HELZ: variants seen among roughly 807,000 people sequenced by gnomAD.
The protein encoded by HELZ is helicase with zinc finger.
In HELZ, 23 loss-of-function variants were observed where a neutral mutation model predicts 218.2. That is an observed-to-expected ratio of 0.11 (90% CI 0.08 to 0.15). The LOEUF is 0.15. HELZ is among the 10% of genes least tolerant of loss of function. HELZ has a pLI of 1.00. For missense variants in HELZ, 1,813 were observed against 2,353.7 expected (o/e 0.77, Z 4.75); for synonymous variants, 814 against 829.4 (o/e 0.98, Z 0.32).
At chr17:67,153,857 A>G (rs537687115) in intron 17 of HELZ, among the ~76,000 whole-genome samples, 23 of 152,262 alleles carry the variant, frequency 1.5e-4, no homozygotes, top group Non-Finnish European at 2.6e-4. Flanking sequence ...TGTGCAAAGT[A>G]TTTTATTTAA....
At chr17:67,225,048 T>C (rs1178034535) in intron 3 of HELZ, 6 of 621,444 alleles carry the variant, frequency 9.7e-6, no homozygotes, top group South Asian at 7.7e-5. Flanking sequence ...CTATGTGTCA[T>C]CTTTTATTAT....
rs1598225801 is a variant in HELZ at position 67,105,117 on chromosome 17, AGTGC to A, written c.5241+2048_5241+2051del. ...CACTGCGCTCCAGCCTGGGCGACTGAGTGCGACTCCGTGTCAAAAAACAAACAAA... is the reference window on the plus strand; with the variant it reads ...CACTGCGCTCCAGCCTGGGCGACTGAGACTCCGTGTCAAAAAACAAACAAA... On this transcript the variant is annotated intron_variant, in intron 31 of 32. Transcript: ENST00000358691. Among the ~76,000 whole-genome samples, 7 of 152,318 alleles carry A rather than the reference AGTGC, an allele frequency of 4.6e-5. No individual in the cohort carries two copies. In the East Asian group the frequency reaches 1.4e-3, roughly 29 times the overall value.
chr17:67,117,348 A>T (rs1014690791), intron 27 of HELZ, among the ~76,000 whole-genome samples: 1 of 152,182 alleles, frequency 6.6e-6, no homozygotes, highest in Non-Finnish European at 1.5e-5. Context: ...ACCAATAATC[A>T]GCAACTAAAG....
At position 67,125,376 on chromosome 17, in the gene HELZ, A is replaced by T. The variant is rs547341912; in HGVS notation, c.3388-1362T>A. 2.9e-5 allele frequency among the ~76,000 whole-genome samples: 4 copies of T among 136,936 alleles called. No individual in the cohort carries two copies. The East Asian group carries it at 8.1e-4, about 28-fold the overall frequency. The allele number at this position is 136,936 out of a possible 152,430, so 89.8% of individuals were successfully genotyped here. On this transcript the variant is annotated intron_variant, in intron 24 of 32. Transcript: ENST00000358691. ...TGAGGAATAGAGACGTGATAAGAAA[A>T]GCATACAGAAAAAAGGAGAAAAAGG...
At chr17:67,227,400 G>T (rs1465847524) in intron 3 of HELZ, among the ~76,000 whole-genome samples, 1 of 151,996 alleles carries the variant, frequency 6.6e-6, no homozygotes, top group Non-Finnish European at 1.5e-5. Flanking sequence ...TGTTGGCCAG[G>T]ATGATCTTGA....
chr17:67,146,040 A>G lies in HELZ; in HGVS notation c.2622-150T>C. 3 of 699,560 alleles carry G rather than the reference A, an allele frequency of 4.3e-6. No homozygotes were observed. The East Asian group carries it at 8.4e-5, about 20-fold the overall frequency. 43.3% of individuals were successfully genotyped at this position (699,560 alleles called of 1,614,324 possible). A position where few individuals can be genotyped will look rare whatever the true frequency, so the allele number is the denominator to read the frequency against. On this transcript the variant is annotated intron_variant, in intron 20 of 32. Coordinates refer to ENST00000358691, the MANE Select transcript of HELZ (RefSeq NM_014877.4). Reference sequence around the variant, plus strand: ...ATCATCTAATACTTGTGATACCAAGAATTTCTCCATAAATAACAAGAGTAG... The same window carrying G: ...ATCATCTAATACTTGTGATACCAAGGATTTCTCCATAAATAACAAGAGTAG...
intron 27 of HELZ, among the ~76,000 whole-genome samples, chr17:67,118,692 C>CAAAAAAAAAAA (rs142101119): frequency 6.7e-5 from 3 of 44,918 alleles, no homozygotes; most frequent in Admixed American, 4.0e-4. Flanking sequence ...CTTTAAAAGG[C>CAAAAAAAAAAA]AAAAAAAAAA....
rs890769681 is a variant in HELZ, at chr17:67,070,918, T to G, written c.*7334A>C. 6 of 152,142 alleles carry G rather than the reference T, an allele frequency of 3.9e-5. No homozygotes were observed. Among genetic ancestry groups the G allele is most frequent in the African/African-American group, 9.7e-5 (4 of 41,450 alleles). The allele number at this position is 152,142 out of a possible 1,614,324, so 9.4% of individuals were successfully genotyped here. ...TCCCAAAATAAGACTCAGTATGAAT[T>G]TGCTAAGTAACTGATCTATGAAGTT... On this transcript the variant is annotated 3_prime_UTR_variant, in exon 33 of 33. Coordinates refer to ENST00000358691, the MANE Select transcript of HELZ (RefSeq NM_014877.4).
Position 67,214,789 on chromosome 17 carries a change from C to G in HELZ, c.247+1110G>C, listed in dbSNP as rs1249473127. ...ATTCATTCTAGTAAACAGCAACAAC[C>G]ACAAAGAAAAGGATTCCTATCAGTA... On this transcript the variant is annotated intron_variant, in intron 5 of 32. Transcript: ENST00000358691. Among the ~76,000 whole-genome samples the G allele has an allele frequency of 2.0e-5, 3 of 152,054 alleles. No individual in the cohort carries two copies. The East Asian group carries it at 5.8e-4, about 29-fold the overall frequency.
At chr17:67,197,702 G>A (rs758276166) in intron 7 of HELZ, among the ~76,000 whole-genome samples, 3 of 152,132 alleles carry the variant, frequency 2.0e-5, no homozygotes, top group Non-Finnish European at 2.9e-5. Flanking sequence ...TAGAAAGAAC[G>A]TCAGAATGCT....
chr17:67,103,678 T>C (rs1420751710), intron 31 of HELZ, among the ~76,000 whole-genome samples: 1 of 152,230 alleles, frequency 6.6e-6, no homozygotes, highest in Non-Finnish European at 1.5e-5. Context: ...CAAATTAATC[T>C]AGAGATTTAA....
intron 3 of HELZ, chr17:67,224,737 G>T: frequency 9.2e-7 from 1 of 1,086,988 alleles, no homozygotes. Context: ...CATGGTGAAC[G>T]TTGCTAAAAC....
chr17:67,114,424 C>A, intron 27 of HELZ, 21 bp from the exon 28 acceptor site: 1 of 1,460,270 alleles, frequency 6.8e-7, no homozygotes, highest in East Asian at 2.3e-5. Context: ...ATTTAAAAAT[C>A]CTTATAAGTT....
At chr17:67,191,953 C>T (rs1272884303) in intron 9 of HELZ, among the ~76,000 whole-genome samples, 1 of 151,720 alleles carries the variant, frequency 6.6e-6, no homozygotes. Context: ...CCTGTAATCC[C>T]AGCACTTTGG....
At chr17:67,224,636 C>G in intron 3 of HELZ, 1 of 580,574 alleles carries the variant, frequency 1.7e-6, no homozygotes, top group Non-Finnish European at 3.2e-6. Context: ...AATAAGTGAG[C>G]ATGGGAGACA....
chr17:67,196,044 G>A (rs2040019564), intron 7 of HELZ, among the ~76,000 whole-genome samples: 1 of 151,812 alleles, frequency 6.6e-6, no homozygotes, highest in African/African-American at 2.4e-5. Context: ...TAGAGATGGG[G>A]TTTCACCATG....
intron 31 of HELZ, among the ~76,000 whole-genome samples, chr17:67,096,333 T>TA (rs1355106121): frequency 6.6e-6 from 1 of 152,200 alleles, no homozygotes; most frequent in Non-Finnish European, 1.5e-5. Context: ...GGTTTCAACT[T>TA]AAAGTTCACC....
chr17:67,150,616 CA>C (rs1160305735), intron 18 of HELZ, among the ~76,000 whole-genome samples: 1 of 152,010 alleles, frequency 6.6e-6, no homozygotes, highest in Admixed American at 6.6e-5. Context: ...GTATATAATG[CA>C]AAAGCATTTT....
At chr17:67,174,061 G>A (rs1182266593) in intron 13 of HELZ, among the ~76,000 whole-genome samples, 2 of 152,084 alleles carry the variant, frequency 1.3e-5, no homozygotes, top group Admixed American at 1.3e-4. Context: ...GAGGATAAGA[G>A]AAGTAAAACA....
Sources: gnomAD v4.1 joint callset for allele counts (sites outside exome capture counted in the v4.1 genomes callset) on GRCh38, gnomAD v4.1.1 for gene constraint, MANE v1.5 for transcripts, NCBI Gene and HGNC (gene_info 2026-07-23, HGNC 2026-07-21) for gene names.